SLC25A21: variants seen among roughly 807,000 people sequenced by gnomAD.
The protein encoded by SLC25A21 is solute carrier family 25 member 21.
A neutral mutation model predicts 43.8 loss-of-function variants in SLC25A21; 47 were observed. The observed-to-expected ratio is 1.07, with a 90% CI of 0.85 to 1.37. The LOEUF (loss-of-function observed/expected upper bound fraction) is 1.37, where lower values mean the gene tolerates loss of function less well. Among genes scored for constraint, SLC25A21 ranks in the 40% most tolerant of loss-of-function variants. The pLI is 0.00. For synonymous variants in SLC25A21, 131 were observed against 121.3 expected (o/e 1.08, Z -0.52); for missense variants, 352 against 350.2 (o/e 1.00, Z -0.04).
chr14:36,756,979 C>T (rs536905745), intron 3 of SLC25A21, among the ~76,000 whole-genome samples: 42 of 151,376 alleles, frequency 2.8e-4, no homozygotes, highest in East Asian at 5.9e-4. Flanking sequence ...CTGAGTTGGG[C>T]GTGGTGGCTC....
chr14:37,017,702 A>G (rs910696299), intron 1 of SLC25A21, among the ~76,000 whole-genome samples: 2 of 152,088 alleles, frequency 1.3e-5, no homozygotes, highest in East Asian at 3.9e-4. Flanking sequence ...TTGCTTCTTC[A>G]TTTCTAAAAT....
chr14:36,880,579 A>G (rs1434748921), intron 1 of SLC25A21, among the ~76,000 whole-genome samples: 1 of 152,168 alleles, frequency 6.6e-6, no homozygotes, highest in Non-Finnish European at 1.5e-5. Flanking sequence ...AGTATGCTCA[A>G]TAAGTATTTG....
At chr14:36,876,922 T>A (rs1890547695) in intron 1 of SLC25A21, among the ~76,000 whole-genome samples, 1 of 138,496 alleles carries the variant, frequency 7.2e-6, no homozygotes, top group Non-Finnish European at 1.6e-5. Flanking sequence ...GATAGATAGA[T>A]AGATAGATAG....
chr14:36,783,373 A>C (rs1887141310), intron 3 of SLC25A21, among the ~76,000 whole-genome samples: 1 of 152,074 alleles, frequency 6.6e-6, no homozygotes, highest in Non-Finnish European at 1.5e-5. Flanking sequence ...AGATTCCATG[A>C]AGCAGTTAGT....
At chr14:36,694,665 T>C (rs1232855082) in intron 7 of SLC25A21, among the ~76,000 whole-genome samples, 1 of 152,246 alleles carries the variant, frequency 6.6e-6, no homozygotes, top group Non-Finnish European at 1.5e-5. Context: ...TGACCAGTGA[T>C]GATGAGCATT....
chr14:36,844,137 A>T (rs2138504043), intron 2 of SLC25A21, among the ~76,000 whole-genome samples: 1 of 152,362 alleles, frequency 6.6e-6, no homozygotes, highest in Middle Eastern at 3.4e-3. Context: ...AGACTTTAAC[A>T]CGCTACAGTA....
chr14:36,916,078 CAAAG>C (rs1469198865), intron 1 of SLC25A21, among the ~76,000 whole-genome samples: 1 of 152,094 alleles, frequency 6.6e-6, no homozygotes, highest in South Asian at 2.1e-4. Context: ...CTTGAGAAAA[CAAAG>C]AAGTAAAATG....
chr14:36,696,427 T>C (rs1411884240), intron 7 of SLC25A21, among the ~76,000 whole-genome samples: 2 of 152,226 alleles, frequency 1.3e-5, no homozygotes, highest in Non-Finnish European at 2.9e-5. Flanking sequence ...CCTCATAAAA[T>C]GCGTTAGGGA....
intron 5 of SLC25A21, among the ~76,000 whole-genome samples, chr14:36,727,894 T>C (rs1884665335): frequency 6.6e-6 from 1 of 152,090 alleles, no homozygotes; most frequent in African/African-American, 2.4e-5. Flanking sequence ...AAAATACTAG[T>C]CCCAAACTCT....
At chr14:37,123,110 T>C (rs1419584949) in intron 1 of SLC25A21, among the ~76,000 whole-genome samples, 7 of 152,316 alleles carry the variant, frequency 4.6e-5, no homozygotes, top group African/African-American at 1.4e-4. Context: ...AATTGGTTGT[T>C]TTCTAAAGCA....
chr14:36,679,930 A>G lies in SLC25A21; in HGVS notation c.*728T>C, dbSNP rs1202278913. ...ACTTGTGTTAGAAGAGATTTGGAAT[A>G]CCTTGATTTAAACATGCTTAAACAA... On this transcript the variant is annotated 3_prime_UTR_variant, in exon 10 of 10. Coordinates refer to ENST00000331299, the MANE Select transcript of SLC25A21 (RefSeq NM_030631.4). 2 of 928,632 alleles carry G rather than the reference A, an allele frequency of 2.2e-6. No individual in the cohort carries two copies. Among genetic ancestry groups the G allele is most frequent in the Non-Finnish European group, 2.6e-6 (2 of 781,360 alleles). The allele number at this position is 928,632 out of a possible 1,614,324, so 57.5% of individuals were successfully genotyped here.
chr14:36,728,805 T>G (rs1341351338), intron 5 of SLC25A21, among the ~76,000 whole-genome samples: 1 of 152,220 alleles, frequency 6.6e-6, no homozygotes, highest in Non-Finnish European at 1.5e-5. Flanking sequence ...TTTGTTTTGC[T>G]TTGCTTTGCA....
rs975249215 is a variant in SLC25A21 at position 36,963,845 on chromosome 14, G to C, written c.71-88841C>G. ...GTGAAGGAAGTTGCTAACTGAAGTG[G>C]AAGGATGCTCAAAGTGCTCGGTAAA... is the stretch of plus-strand genomic sequence containing the variant. On this transcript the variant is annotated intron_variant, in intron 1 of 9. Coordinates refer to ENST00000331299, the MANE Select transcript of SLC25A21 (RefSeq NM_030631.4). Among the ~76,000 whole-genome samples, 6 of 152,286 alleles carry C rather than the reference G, an allele frequency of 3.9e-5. No homozygotes were observed. The East Asian group carries it at 1.2e-3, about 29-fold the overall frequency.
intron 1 of SLC25A21, among the ~76,000 whole-genome samples, chr14:37,050,991 C>A (rs1961690732): frequency 6.6e-6 from 1 of 151,504 alleles, no homozygotes; most frequent in African/African-American, 2.4e-5. Flanking sequence ...CTACATCTTA[C>A]ACCACAGTTA....
At chr14:37,136,875 AGAT>A (rs1196249543) in intron 1 of SLC25A21, among the ~76,000 whole-genome samples, 1 of 152,242 alleles carries the variant, frequency 6.6e-6, no homozygotes, top group Non-Finnish European at 1.5e-5. Context: ...GAGAGTAAAA[AGAT>A]GAGTGATTGT....
chr14:37,076,984 T>C (rs896814649), intron 1 of SLC25A21, among the ~76,000 whole-genome samples: 5 of 152,216 alleles, frequency 3.3e-5, no homozygotes, highest in Non-Finnish European at 7.4e-5. Flanking sequence ...AGTATGTGAA[T>C]AATGAAATAT....
chr14:36,741,180 G>A (rs1566560981), intron 3 of SLC25A21, among the ~76,000 whole-genome samples: 1 of 152,038 alleles, frequency 6.6e-6, no homozygotes, highest in Non-Finnish European at 1.5e-5. Flanking sequence ...ATATGTGTTT[G>A]GGAATCATTT....
intron 1 of SLC25A21, among the ~76,000 whole-genome samples, chr14:37,127,519 T>C (rs1045297869): frequency 1.3e-5 from 2 of 152,234 alleles, no homozygotes; most frequent in Admixed American, 1.3e-4. Context: ...CTAGTGCTTT[T>C]TTTTCTTTAG....
intron 1 of SLC25A21, among the ~76,000 whole-genome samples, chr14:37,169,990 C>T (rs1457253382): frequency 6.6e-6 from 1 of 151,894 alleles, no homozygotes. Flanking sequence ...CATATTTATG[C>T]CAAATACTTA....
Sources: gnomAD v4.1 joint callset for allele counts (sites outside exome capture counted in the v4.1 genomes callset) on GRCh38, gnomAD v4.1.1 for gene constraint, MANE v1.5 for transcripts, NCBI Gene and HGNC (gene_info 2026-07-23, HGNC 2026-07-21) for gene names.